Variants in GRM8 observed in about 807,000 individuals in gnomAD.
The protein encoded by GRM8 is glutamate metabotropic receptor 8, also known as metabotropic glutamate receptor 8.
Under a neutral mutation model 87.2 loss-of-function variants are expected in GRM8, and 47 were observed. The ratio of observed to expected loss-of-function variants is 0.54; its 90% confidence interval spans 0.43 to 0.69. The LOEUF is 0.69. Ranked by LOEUF, GRM8 falls within the 30% of genes least tolerant of loss-of-function variation. GRM8 has a pLI of 0.00. For synonymous variants in GRM8, 396 were observed against 404.5 expected (o/e 0.98, Z 0.25); for missense variants, 1,019 against 1,139.2 (o/e 0.89, Z 1.52).
chr7:126,827,982 G>A (rs976403245), intron 6 of GRM8, among the ~76,000 whole-genome samples: 4 of 152,136 alleles, frequency 2.6e-5, no homozygotes, highest in African/African-American at 9.7e-5. Context: ...TGTGGTTTTT[G>A]TTTTTGGTTC....
intron 6 of GRM8, among the ~76,000 whole-genome samples, chr7:126,894,232 T>C (rs1801328635): frequency 6.6e-6 from 1 of 152,094 alleles, no homozygotes; most frequent in South Asian, 2.1e-4. Flanking sequence ...CTAATGTTTC[T>C]GTATTTTTCT....
intron 2 of GRM8, among the ~76,000 whole-genome samples, chr7:127,216,175 T>C (rs13232763): frequency 0.068 from 10,420 of 152,260 alleles, 527 homozygotes; most frequent in Middle Eastern, 0.12. Flanking sequence ...AAAATTTTCT[T>C]GCCTTAAGTG....
chr7:127,213,507 G>T (rs1243684440), intron 2 of GRM8, among the ~76,000 whole-genome samples: 1 of 152,064 alleles, frequency 6.6e-6, no homozygotes, highest in Non-Finnish European at 1.5e-5. Flanking sequence ...TCACATTATT[G>T]GATAATATTG....
intron 9 of GRM8, among the ~76,000 whole-genome samples, chr7:126,530,552 G>A (rs759793961): frequency 5.3e-5 from 8 of 152,144 alleles, no homozygotes; most frequent in Admixed American, 6.5e-5. Flanking sequence ...GTTCAATGCC[G>A]GACACAATGC....
At chr7:127,070,900 T>A (rs989494321) in intron 3 of GRM8, among the ~76,000 whole-genome samples, 2 of 152,192 alleles carry the variant, frequency 1.3e-5, no homozygotes, top group Admixed American at 1.3e-4. Flanking sequence ...AAGGTAATTT[T>A]TTCTTTTTGG....
intron 2 of GRM8, among the ~76,000 whole-genome samples, chr7:127,137,375 T>C (rs752930877): frequency 6.6e-6 from 1 of 152,120 alleles, no homozygotes; most frequent in Non-Finnish European, 1.5e-5. Flanking sequence ...CTCACTACAT[T>C]ATGGGCCATT....
intron 6 of GRM8, among the ~76,000 whole-genome samples, chr7:126,897,815 G>A (rs1466819451): frequency 6.6e-6 from 1 of 152,134 alleles, no homozygotes; most frequent in African/African-American, 2.4e-5. Context: ...TCAAAAGTTA[G>A]CAGTAATATC....
chr7:126,620,517 T>C (rs1800024350), intron 7 of GRM8, among the ~76,000 whole-genome samples: 1 of 152,190 alleles, frequency 6.6e-6, no homozygotes, highest in African/African-American at 2.4e-5. Flanking sequence ...AGGTTTTTTT[T>C]TTCAAATGTT....
At chr7:126,570,840 T>A (rs1199801263) in intron 8 of GRM8, among the ~76,000 whole-genome samples, 1 of 152,224 alleles carries the variant, frequency 6.6e-6, no homozygotes, top group Non-Finnish European at 1.5e-5. Context: ...TCTTCTTTCA[T>A]AAATACCCCA....
intron 10 of GRM8, among the ~76,000 whole-genome samples, chr7:126,440,366 G>A (rs927665499): frequency 1.5e-5 from 2 of 137,412 alleles, no homozygotes; most frequent in East Asian, 2.2e-4. Flanking sequence ...AGCCGAGATC[G>A]CGCCACTGCA....
At chr7:126,755,729 G>A (rs1816931633) in intron 7 of GRM8, among the ~76,000 whole-genome samples, 1 of 136,760 alleles carries the variant, frequency 7.3e-6, no homozygotes, top group African/African-American at 2.5e-5. Context: ...TAGAGAATTA[G>A]CTGGGAGAGT....
At chr7:127,029,183 G>A (rs369606440) in intron 3 of GRM8, among the ~76,000 whole-genome samples, 3 of 152,252 alleles carry the variant, frequency 2.0e-5, no homozygotes, top group East Asian at 3.9e-4. Context: ...TAATTTGATT[G>A]AACTGCGGTC....
At chr7:126,936,144 T>G (rs1339148999) in intron 3 of GRM8, among the ~76,000 whole-genome samples, 1 of 152,200 alleles carries the variant, frequency 6.6e-6, no homozygotes, top group Non-Finnish European at 1.5e-5. Context: ...TACGTTTCCA[T>G]GATTAAAGTA....
intron 6 of GRM8, among the ~76,000 whole-genome samples, chr7:126,818,724 T>C (rs1794013908): frequency 6.6e-6 from 1 of 152,196 alleles, no homozygotes; most frequent in Non-Finnish European, 1.5e-5. Context: ...ATTAAGATTC[T>C]CTTCTATGCT....
chr7:126,878,146 GC>G (rs1183650389), intron 6 of GRM8, among the ~76,000 whole-genome samples: 1 of 152,070 alleles, frequency 6.6e-6, no homozygotes, highest in Non-Finnish European at 1.5e-5. Flanking sequence ...CCACCCCACA[GC>G]CCCACCACCT....
At chr7:126,779,863 G>A (rs1401613109) in intron 6 of GRM8, among the ~76,000 whole-genome samples, 1 of 152,082 alleles carries the variant, frequency 6.6e-6, no homozygotes, top group Non-Finnish European at 1.5e-5. Flanking sequence ...AAAATAGCAT[G>A]GGTTTTGAGA....
At chr7:126,822,267 T>G (rs1031393838) in intron 6 of GRM8, among the ~76,000 whole-genome samples, 4 of 152,174 alleles carry the variant, frequency 2.6e-5, no homozygotes, top group Non-Finnish European at 2.9e-5. Context: ...AGAACTCTCT[T>G]GTCATTTAAA....
chr7:126,494,146 A>C (rs1584809183), intron 9 of GRM8, among the ~76,000 whole-genome samples: 1 of 152,038 alleles, frequency 6.6e-6, no homozygotes, highest in African/African-American at 2.4e-5. Context: ...TTTCTCATTC[A>C]TTTATACCTC....
At chr7:126,455,013 AC>A (rs1206625273) in intron 9 of GRM8, among the ~76,000 whole-genome samples, 3 of 151,716 alleles carry the variant, frequency 2.0e-5, no homozygotes, top group Non-Finnish European at 4.4e-5. Context: ...GGTTAAATAT[AC>A]CAATAGAATC....
Sources: gnomAD v4.1 joint callset for allele counts (sites outside exome capture counted in the v4.1 genomes callset) on GRCh38, gnomAD v4.1.1 for gene constraint, MANE v1.5 for transcripts, NCBI Gene and HGNC (gene_info 2026-07-23, HGNC 2026-07-21) for gene names.